Variants in SH2D4B observed in about 807,000 individuals in gnomAD.
The protein encoded by SH2D4B is SH2 domain containing 4B.
In SH2D4B, 45 loss-of-function variants were observed where a neutral mutation model predicts 61.5. That is an observed-to-expected ratio of 0.73 (90% confidence interval 0.58 to 0.94). SH2D4B has a LOEUF of 0.94. Ranked by LOEUF, SH2D4B falls within the 40% of genes least tolerant of loss-of-function variation. SH2D4B has a pLI of 0.00. For missense variants in SH2D4B, 572 were observed against 574.2 expected (o/e 1.00, Z 0.04); for synonymous variants, 224 against 220.4 (o/e 1.02, Z -0.14).
chr10:80,588,853 C>G (rs1232346410), intron 4 of SH2D4B, 76 bp downstream of exon 4: 1 of 1,552,360 alleles, frequency 6.4e-7, no homozygotes, highest in Non-Finnish European at 8.8e-7. Flanking sequence ...CTGATGTACT[C>G]ATTCGTCATT....
rs34390639 is a variant in SH2D4B at position 80,605,286 on chromosome 10, C to CTTT, written c.860+1498_860+1500dup. On this transcript the variant is annotated intron_variant, in intron 5 of 7. Transcript: ENST00000646907. ...TCAATTCTTATATTATCTATTTAGGCTTTTTTTTTAACAGGTGCATAGTAT... is the reference window on the plus strand; with the variant it reads ...TCAATTCTTATATTATCTATTTAGGCTTTTTTTTTTTTAACAGGTGCATAGTAT... Among the ~76,000 whole-genome samples the CTTT allele has an allele frequency of 1.5e-3, 219 of 150,390 alleles. 1 individual carries two copies. Among genetic ancestry groups the CTTT allele is most frequent in the African/African-American group, 5.2e-3 (214 of 40,916 alleles).
At chr10:80,549,438 G>C (rs1403991405) in intron 1 of SH2D4B, among the ~76,000 whole-genome samples, 1 of 152,194 alleles carries the variant, frequency 6.6e-6, no homozygotes, top group African/African-American at 2.4e-5. Context: ...CCTCCATACA[G>C]CAGCCAGAAA....
In SH2D4B at chr10:80,634,403, G is replaced by A. The variant is rs1842870672; in HGVS notation, c.1107G>A (p.Gly369=). ...GYTLSYRLQK[G]FKHFLVDASG... is the part of the protein sequence containing the mutation. ...CCCTCTCCTACCGCCTGCAGAAAGG[G>A]TTCAAACACTTTCTTGTGGATGCTT... The change falls in exon 7 of 8, where the codon GGG becomes GGA. Residue 369 remains glycine (G), a synonymous_variant. Transcript: ENST00000646907. 1 of 1,550,610 alleles carries A rather than the reference G, an allele frequency of 6.4e-7. No homozygotes were observed. Among genetic ancestry groups the A allele is most frequent in the East Asian group, 2.4e-5 (1 of 40,926 alleles).
chr10:80,641,116 G>A (rs1015124710), intron 7 of SH2D4B, among the ~76,000 whole-genome samples: 1 of 152,214 alleles, frequency 6.6e-6, no homozygotes, highest in African/African-American at 2.4e-5. Flanking sequence ...GGTATCACCA[G>A]CAGAGGCTGC....
At chr10:80,576,663 C>T (rs1374465695) in intron 3 of SH2D4B, among the ~76,000 whole-genome samples, 2 of 152,198 alleles carry the variant, frequency 1.3e-5, no homozygotes, top group African/African-American at 4.8e-5. Context: ...ATTGTTTGCC[C>T]CTCCTCCCTT....
rs1841531497 is a variant in SH2D4B at position 80,538,284 on chromosome 10, G to A, written c.-48G>A. On this transcript the variant is annotated 5_prime_UTR_variant, in exon 1 of 8. Transcript: ENST00000646907. The surrounding 1 kb of genome is among the most constrained non-coding windows in gnomAD (Gnocchi z 4.8). ...CCCCTCGGGCGTTCTGCCTGGCCCT[G>A]CTTCCCCTGCTGGCTGCCCTTCTGG... The A allele has an allele frequency of 5.4e-6, 7 of 1,287,460 alleles. No homozygotes were observed. The highest frequency in any genetic ancestry group is 6.9e-6 in the Non-Finnish European group (7 of 1,008,490). The allele number at this position is 1,287,460 out of a possible 1,614,324, so 79.8% of individuals were successfully genotyped here. A position where few individuals can be genotyped will look rare whatever the true frequency, so the allele number is the denominator to read the frequency against.
intron 4 of SH2D4B, among the ~76,000 whole-genome samples, chr10:80,595,887 A>T (rs1842379377): frequency 6.6e-6 from 1 of 152,210 alleles, no homozygotes; most frequent in Non-Finnish European, 1.5e-5. Flanking sequence ...GAATCACATT[A>T]TGGAATGCAT....
intron 3 of SH2D4B, among the ~76,000 whole-genome samples, chr10:80,577,994 A>G (rs116604512): frequency 0.023 from 3,427 of 150,678 alleles, 115 homozygotes; most frequent in African/African-American, 0.078. Context: ...TTTTCGAGAC[A>G]GGGTCCGGCT....
rs1314906586 is a variant in SH2D4B at position 80,538,156 on chromosome 10, G to C, written c.-176G>C. The C allele has an allele frequency of 2.3e-6, 1 of 436,418 alleles. No individual in the cohort carries two copies. Among genetic ancestry groups the C allele is most frequent in the East Asian group, 3.8e-5 (1 of 26,488 alleles). The allele number at this position is 436,418 out of a possible 1,614,324, so 27.0% of individuals were successfully genotyped here. On this transcript the variant is annotated 5_prime_UTR_variant, in exon 1 of 8. Coordinates refer to ENST00000646907, the MANE Select transcript of SH2D4B (RefSeq NM_001388272.1). The surrounding 1 kb of genome is among the most constrained non-coding windows in gnomAD (Gnocchi z 4.8). ...CTCTTTTGCTGTCCTGGGTAGAGGAGATGAGTTCGTCGCTGGCTGCAAGCT... is the reference window on the plus strand; with the variant it reads ...CTCTTTTGCTGTCCTGGGTAGAGGACATGAGTTCGTCGCTGGCTGCAAGCT...
At chr10:80,584,424 A>C (rs1193087364) in intron 3 of SH2D4B, among the ~76,000 whole-genome samples, 6 of 152,238 alleles carry the variant, frequency 3.9e-5, no homozygotes, top group Non-Finnish European at 8.8e-5. Context: ...CATCTGAGAA[A>C]ACTTTGGGAA....
At chr10:80,634,894 T>C (rs1842879492) in intron 7 of SH2D4B, among the ~76,000 whole-genome samples, 1 of 152,202 alleles carries the variant, frequency 6.6e-6, no homozygotes, top group South Asian at 2.1e-4. Flanking sequence ...CTCTAGCAGC[T>C]TCTGAGAGTT....
intron 6 of SH2D4B, among the ~76,000 whole-genome samples, chr10:80,618,508 G>A (rs1421061750): frequency 6.6e-6 from 1 of 152,188 alleles, no homozygotes; most frequent in Non-Finnish European, 1.5e-5. Flanking sequence ...AGGCCTTTGA[G>A]CTCATTCATC....
intron 1 of SH2D4B, chr10:80,540,954 G>C (rs1291778356): frequency 6.8e-7 from 1 of 1,474,010 alleles, no homozygotes. Context: ...AGCCCCAGTT[G>C]ATGTCCAGGC....
Position 80,549,209 on chromosome 10 carries a change from G to GTGTA in SH2D4B, c.184+10697_184+10698insATGT, listed in dbSNP as rs1564765446. On this transcript the variant is annotated intron_variant, in intron 1 of 7. Transcript: ENST00000646907. Reference sequence around the variant, plus strand: ...GAGCTGTGATGGGACTTGATTGTGTGTGTGTGTGTGTGTGTGTGTGTGTGT... The same window carrying GTGTA: ...GAGCTGTGATGGGACTTGATTGTGTGTGTATGTGTGTGTGTGTGTGTGTGTGTGT... Among the ~76,000 whole-genome samples, 21 of 141,630 alleles carry GTGTA rather than the reference G, an allele frequency of 1.5e-4. No individual in the cohort carries two copies. The East Asian group carries it at 4.2e-3, about 28-fold the overall frequency. 92.9% of individuals were successfully genotyped at this position (141,630 alleles called of 152,430 possible).
At chr10:80,641,754 A>C (rs900518996) in intron 7 of SH2D4B, among the ~76,000 whole-genome samples, 1 of 152,242 alleles carries the variant, frequency 6.6e-6, no homozygotes, top group African/African-American at 2.4e-5. Flanking sequence ...GAAAGGCTAG[A>C]CCAGAGATCT....
At chr10:80,581,633 C>T (rs1284751817) in intron 3 of SH2D4B, among the ~76,000 whole-genome samples, 4 of 152,284 alleles carry the variant, frequency 2.6e-5, no homozygotes, top group Non-Finnish European at 4.4e-5. Context: ...GGCCTCAGCA[C>T]GAAGCCAACC....
rs180763639 is a variant in SH2D4B, at chr10:80,645,289, C to T, written c.*1204C>T. The T allele has an allele frequency of 6.6e-6, 1 of 152,360 alleles. No homozygotes were observed. Among genetic ancestry groups the T allele is most frequent in the Non-Finnish European group, 1.5e-5 (1 of 68,070 alleles). The allele number at this position is 152,360 out of a possible 1,614,324, so 9.4% of individuals were successfully genotyped here. A position where few individuals can be genotyped will look rare whatever the true frequency, so the allele number is the denominator to read the frequency against. Reference sequence around the variant, plus strand: ...TCTTGCCTCACCTATTCCTTAGATTCTTGGTCACTTCTCTACCACAAGCCA... The same window carrying T: ...TCTTGCCTCACCTATTCCTTAGATTTTTGGTCACTTCTCTACCACAAGCCA... On this transcript the variant is annotated 3_prime_UTR_variant, in exon 8 of 8. Transcript: ENST00000646907.
At chr10:80,627,853 A>C (rs1035865556) in intron 6 of SH2D4B, among the ~76,000 whole-genome samples, 3 of 152,078 alleles carry the variant, frequency 2.0e-5, no homozygotes, top group Non-Finnish European at 2.9e-5. Context: ...TATAGGAAAA[A>C]CAATGTTTAC....
chr10:80,587,943 G>A (rs1051160398), intron 3 of SH2D4B, among the ~76,000 whole-genome samples: 2 of 152,190 alleles, frequency 1.3e-5, no homozygotes, highest in Non-Finnish European at 2.9e-5. Context: ...TTATGGCTGT[G>A]TAGTATTCTG....
Sources: gnomAD v4.1 joint callset for allele counts (sites outside exome capture counted in the v4.1 genomes callset) on GRCh38, gnomAD v4.1.1 for gene constraint, Gnocchi (gnomAD v3.1) non-coding constraint, MANE v1.5 for transcripts, NCBI Gene and HGNC (gene_info 2026-07-23, HGNC 2026-07-21) for gene names.